The following SUGCT variants were observed in gnomAD, a reference collection of about 807,000 sequenced individuals.
The protein encoded by SUGCT is succinyl-CoA:glutarate CoA-transferase.
A neutral mutation model predicts 55.0 loss-of-function variants in SUGCT; 41 were observed. The ratio of observed to expected loss-of-function variants is 0.74; its 90% CI spans 0.58 to 0.97. SUGCT has a LOEUF of 0.97. Ranked by LOEUF, SUGCT falls within the 50% of genes least tolerant of loss-of-function variation. SUGCT has a pLI of 0.00. For synonymous variants in SUGCT, 187 were observed against 200.4 expected, an observed-to-expected ratio of 0.93 and a Z score of 0.56; for missense variants, 568 against 547.8, an observed-to-expected ratio of 1.04 and a Z score of -0.37.
the SUGCT span, among the ~76,000 whole-genome samples, chr7:40,901,004 A>ATG: frequency 6.6e-6 from 1 of 152,208 alleles, no homozygotes; most frequent in South Asian, 2.1e-4. Context: ...ATGGATGTGT[A>ATG]TGTGTGTGTA....
At chr7:40,543,584 A>C (rs1283664741) in intron 12 of SUGCT, among the ~76,000 whole-genome samples, 1 of 152,182 alleles carries the variant, frequency 6.6e-6, no homozygotes, top group Non-Finnish European at 1.5e-5. Flanking sequence ...TTCAGATGGA[A>C]ACCTGCAAAA....
At chr7:40,878,305 G>A in the SUGCT span, among the ~76,000 whole-genome samples, 4 of 152,064 alleles carry the variant, frequency 2.6e-5, no homozygotes, top group Non-Finnish European at 5.9e-5. Context: ...TTTCTCTGGT[G>A]TCACTTTTCC....
At chr7:40,402,284 G>A (rs1437801678) in intron 9 of SUGCT, among the ~76,000 whole-genome samples, 1 of 152,062 alleles carries the variant, frequency 6.6e-6, no homozygotes, top group East Asian at 1.9e-4. Flanking sequence ...AGACATTAAA[G>A]ATGATTTGAT....
chr7:40,164,403 C>T (rs1784325515), intron 1 of SUGCT, among the ~76,000 whole-genome samples: 1 of 152,150 alleles, frequency 6.6e-6, no homozygotes, highest in Non-Finnish European at 1.5e-5. Context: ...GCTGGGATTA[C>T]AGGCATGAGC....
intron 1 of SUGCT, among the ~76,000 whole-genome samples, chr7:40,157,241 G>A (rs1216767687): frequency 6.6e-6 from 1 of 151,978 alleles, no homozygotes; most frequent in African/African-American, 2.4e-5. Flanking sequence ...AGATCCCAGG[G>A]ATCTTCCCCT....
At chr7:40,472,737 G>A (rs186709514) in intron 11 of SUGCT, among the ~76,000 whole-genome samples, 13 of 152,148 alleles carry the variant, frequency 8.5e-5, no homozygotes, top group East Asian at 7.7e-4. Context: ...GCCTTTTGTC[G>A]TTGAGAGCCC....
At chr7:40,856,590 T>G (rs1794180458) in intron 13 of SUGCT, among the ~76,000 whole-genome samples, 1 of 151,242 alleles carries the variant, frequency 6.6e-6, no homozygotes, top group Admixed American at 6.6e-5. Flanking sequence ...AAACCAAAGT[T>G]GGGATCCCAT....
intron 9 of SUGCT, among the ~76,000 whole-genome samples, chr7:40,351,824 G>C (rs998595364): frequency 3.3e-5 from 5 of 152,086 alleles, no homozygotes; most frequent in African/African-American, 9.7e-5. Flanking sequence ...TGATATATGT[G>C]GATTATTGTT....
At chr7:40,306,097 A>G (rs529097082) in intron 8 of SUGCT, among the ~76,000 whole-genome samples, 1 of 152,146 alleles carries the variant, frequency 6.6e-6, no homozygotes, top group Admixed American at 6.5e-5. Context: ...TGGCTCTCAC[A>G]TTGTTTTCAT....
chr7:40,281,367 G>A (rs181461749), intron 8 of SUGCT, among the ~76,000 whole-genome samples: 9 of 152,302 alleles, frequency 5.9e-5, no homozygotes, highest in African/African-American at 2.2e-4. Context: ...TATGACTAAG[G>A]AAATTAAGAG....
At chr7:40,933,172 T>A in the SUGCT span, among the ~76,000 whole-genome samples, 2 of 152,302 alleles carry the variant, frequency 1.3e-5, no homozygotes, top group Admixed American at 6.5e-5. Context: ...GTAAAGGATT[T>A]TATTTCTCCT....
chr7:40,952,428 T>A, the SUGCT span, among the ~76,000 whole-genome samples: 8 of 152,232 alleles, frequency 5.3e-5, no homozygotes, highest in African/African-American at 1.9e-4. Flanking sequence ...CTGTGTCTTT[T>A]AATTGGAGCA....
chr7:40,181,969 CT>C lies in SUGCT; in HGVS notation c.171del (p.Phe57LeufsTer4). 6.3e-7 allele frequency: 1 copy of C among 1,595,546 alleles called. No homozygotes were observed. The highest frequency in any genetic ancestry group is 1.7e-5 in the Admixed American group (1 of 58,888). ...ILDLTRVLAG[P>X]FATMNLGDLG... ...TAACATTGTAGAGTCCTGGCGGGACCTTTTGCTACTATGAATTTAGGAGATC... is the reference window on the plus strand; with the variant it reads ...TAACATTGTAGAGTCCTGGCGGGACCTTTGCTACTATGAATTTAGGAGATC... On this transcript the variant is annotated frameshift_variant, in exon 3 of 14. Transcript: ENST00000335693. LOFTEE classifies it high-confidence loss of function.
At chr7:40,310,908 C>A (rs1795111638) in intron 8 of SUGCT, among the ~76,000 whole-genome samples, 1 of 152,126 alleles carries the variant, frequency 6.6e-6, no homozygotes, top group African/African-American at 2.4e-5. Flanking sequence ...GATATTATTT[C>A]CGATTTCTTC....
At chr7:40,435,494 C>T (rs1162432261) in intron 9 of SUGCT, among the ~76,000 whole-genome samples, 1 of 152,152 alleles carries the variant, frequency 6.6e-6, no homozygotes, top group East Asian at 1.9e-4. Context: ...TGCTGTGACA[C>T]ATTGACATTG....
chr7:41,003,473 C>A, the SUGCT span, among the ~76,000 whole-genome samples: 1 of 152,236 alleles, frequency 6.6e-6, no homozygotes, highest in East Asian at 1.9e-4. Context: ...CGACAAGGGC[C>A]AATGCAAATT....
At chr7:40,785,499 C>T (rs1342216052) in intron 13 of SUGCT, among the ~76,000 whole-genome samples, 3 of 152,134 alleles carry the variant, frequency 2.0e-5, no homozygotes, top group Non-Finnish European at 4.4e-5. Flanking sequence ...GGAAAAGCCT[C>T]CAAGGCTTGG....
intron 12 of SUGCT, among the ~76,000 whole-genome samples, chr7:40,739,245 C>T (rs1053950491): frequency 6.6e-6 from 1 of 152,180 alleles, no homozygotes; most frequent in Non-Finnish European, 1.5e-5. Context: ...CCTCCCTTCC[C>T]TCCACTCCCA....
chr7:40,629,429 C>G (rs1799682117), intron 12 of SUGCT, among the ~76,000 whole-genome samples: 2 of 152,254 alleles, frequency 1.3e-5, no homozygotes, highest in African/African-American at 2.4e-5. Flanking sequence ...TGAAAGTAGA[C>G]TCTGAGTTTG....
Sources: gnomAD v4.1 joint callset for allele counts (sites outside exome capture counted in the v4.1 genomes callset) on GRCh38, gnomAD v4.1.1 for gene constraint, MANE v1.5 for transcripts, NCBI Gene and HGNC (gene_info 2026-07-23, HGNC 2026-07-21) for gene names.